AKAP11: variants seen among roughly 807,000 people sequenced by gnomAD.
AKAP11 encodes the protein A-kinase anchor protein 11.
AKAP11 carries 36 observed loss-of-function variants against 146.1 expected under a neutral mutation model. That is an observed-to-expected ratio of 0.25 (90% CI 0.19 to 0.33). The LOEUF is 0.33. Among genes scored for constraint, AKAP11 ranks in the 10% least tolerant of loss-of-function variants. The probability of loss-of-function intolerance (pLI) is 1.00; values close to 1 mark genes in which losing one functional copy is unlikely to be tolerated. For synonymous variants in AKAP11, 780 were observed against 786.5 expected (o/e 0.99, Z 0.14); for missense variants, 2,201 against 2,197.0 (o/e 1.00, Z -0.04).
chr13:42,297,415 G>A (rs1959581674), intron 6 of AKAP11, among the ~76,000 whole-genome samples: 1 of 151,814 alleles, frequency 6.6e-6, no homozygotes, highest in African/African-American at 2.4e-5. Flanking sequence ...TCCGTAGATG[G>A]TATGCAAGTA....
rs761529734 is a variant in AKAP11 at position 42,301,072 on chromosome 13, A to G, written c.2326A>G (p.Ile776Val). The change falls in exon 8 of 13, where the codon ATT becomes GTT. Residue 776 changes from isoleucine (I) to valine (V), a missense_variant. Around this residue, in one of 3 missense-constraint regions of AKAP11, gnomAD observed 1,867 missense variants for 1,833.5 expected, o/e 1.02. Transcript: ENST00000025301. ...VQQALFCTSG[I>V]VTSIPVPLAG... ...GCAGGCCTTGTTTTGTACTTCTGGAATTGTTACTTCTATACCGGTGCCCTT... is the reference window on the plus strand; with the variant it reads ...GCAGGCCTTGTTTTGTACTTCTGGAGTTGTTACTTCTATACCGGTGCCCTT... 2.9e-5 allele frequency: 47 copies of G among 1,614,002 alleles called. No homozygotes were observed. Among genetic ancestry groups the G allele is most frequent in the Non-Finnish European group, 3.7e-5 (44 of 1,179,966 alleles).
chr13:42,282,111 G>A (rs1959075789), intron 1 of AKAP11, among the ~76,000 whole-genome samples: 1 of 151,644 alleles, frequency 6.6e-6, no homozygotes, highest in African/African-American at 2.4e-5. Context: ...CGGGATTACA[G>A]GCATATACCA....
At position 42,277,406 on chromosome 13, in the gene AKAP11, A is replaced by G. The variant is rs528722267; in HGVS notation, c.-100+5178A>G. On this transcript the variant is annotated intron_variant, in intron 1 of 12. Transcript: ENST00000025301. ...TAAAAGTTGTGTTTATTGTTGCTGAATAAGTAGTTTTGAAGTCAGTAGCCA... is the reference window on the plus strand; with the variant it reads ...TAAAAGTTGTGTTTATTGTTGCTGAGTAAGTAGTTTTGAAGTCAGTAGCCA... Among the ~76,000 whole-genome samples, 13 of 152,356 alleles carry G rather than the reference A, an allele frequency of 8.5e-5. No homozygotes were observed. In the East Asian group the frequency reaches 2.1e-3, roughly 25 times the overall value.
At chr13:42,312,431 A>G (rs1199919119) in intron 9 of AKAP11, among the ~76,000 whole-genome samples, 22 of 152,226 alleles carry the variant, frequency 1.4e-4, no homozygotes. Context: ...TATTCTGAAG[A>G]AAATGTTTGT....
At chr13:42,289,919 A>G (rs576696113) in intron 3 of AKAP11, among the ~76,000 whole-genome samples, 3 of 152,196 alleles carry the variant, frequency 2.0e-5, no homozygotes, top group Non-Finnish European at 4.4e-5. Context: ...CACCTCATAT[A>G]GTCTTCACTC....
In AKAP11 at chr13:42,302,031, T is replaced by C. The variant is rs540769010; in HGVS notation, c.3285T>C (p.Asn1095=). ...VEDKQKVRDR[N]VIPDTPPSTP... ...ATAAACAGAAAGTCAGAGACAGAAA[T>C]GTAATACCTGATACTCCTCCATCAA... Residue 1095 remains asparagine (N), a synonymous_variant, in exon 8 of 13, where the codon AAT becomes AAC. Coordinates refer to ENST00000025301, the MANE Select transcript of AKAP11 (RefSeq NM_016248.4). 31 of 1,614,078 alleles carry C rather than the reference T, an allele frequency of 1.9e-5. No individual in the cohort carries two copies. In the East Asian group the frequency reaches 5.6e-4, roughly 29 times the overall value.
Position 42,300,219 on chromosome 13 carries a change from T to C in AKAP11, c.1473T>C (p.Tyr491=), listed in dbSNP as rs1318575089. 1.1e-5 allele frequency: 17 copies of C among 1,613,810 alleles called. No individual in the cohort carries two copies. The highest frequency in any genetic ancestry group is 1.3e-5 in the Non-Finnish European group (15 of 1,179,838). Residue 491 remains tyrosine, a synonymous_variant, in exon 8 of 13, where the codon TAT becomes TAC. Transcript: ENST00000025301. Reference sequence around the variant, plus strand: ...CTGTTTATTACACCTATGAAGACTATGCAAAAAGCATTTCATGTGAAGTAC... The same window carrying C: ...CTGTTTATTACACCTATGAAGACTACGCAAAAAGCATTTCATGTGAAGTAC... ...HDSVYYTYED[Y]AKSISCEVLG... is the part of the protein sequence containing the mutation.
chr13:42,295,393 G>T (rs531855335), intron 4 of AKAP11, among the ~76,000 whole-genome samples: 2 of 152,312 alleles, frequency 1.3e-5, no homozygotes, highest in African/African-American at 4.8e-5. Flanking sequence ...GGTGGGAGAG[G>T]ATTGTACTAG....
chr13:42,299,718 A>G lies in AKAP11; in HGVS notation c.972A>G (p.Gly324=). 1 of 1,613,964 alleles carries G rather than the reference A, an allele frequency of 6.2e-7. No homozygotes were observed. Residue 324 remains glycine (G), a synonymous_variant, in exon 8 of 13, where the codon GGA becomes GGG. Transcript: ENST00000025301. ...PSPVIFLDEE[G]YQKSLKAKLE... ...CTGTTATTTTCTTGGATGAAGAGGG[A>G]TATCAAAAAAGCTTAAAAGCAAAAC...
chr13:42,321,553 G>C lies in AKAP11; in HGVS notation c.*2325G>C, dbSNP rs1961087510. ...AGTTAAAAATATTGAATATTGGCAGGTGTGAAAACAAGTGTCAAAATTCCT... is the reference window on the plus strand; with the variant it reads ...AGTTAAAAATATTGAATATTGGCAGCTGTGAAAACAAGTGTCAAAATTCCT... On this transcript the variant is annotated 3_prime_UTR_variant, in exon 13 of 13. Transcript: ENST00000025301. 1 of 152,256 alleles carries C rather than the reference G, an allele frequency of 6.6e-6. No homozygotes were observed. The highest frequency in any genetic ancestry group is 2.4e-5 in the African/African-American group (1 of 41,450). The allele number at this position is 152,256 out of a possible 1,614,324, so 9.4% of individuals were successfully genotyped here.
At position 42,322,759 on chromosome 13, in the gene AKAP11, C is replaced by T. The variant is rs1469760865; in HGVS notation, c.*3531C>T. ...TGGATACAGAATTAGTCACTCTTGT[C>T]ACTTTATTTATTTATTGGTTTTTTT... On this transcript the variant is annotated 3_prime_UTR_variant, in exon 13 of 13. Coordinates refer to ENST00000025301, the MANE Select transcript of AKAP11 (RefSeq NM_016248.4). 1.3e-5 allele frequency: 2 copies of T among 152,586 alleles called. No homozygotes were observed. Among genetic ancestry groups the T allele is most frequent in the African/African-American group, 4.8e-5 (2 of 41,412 alleles). 9.5% of individuals were successfully genotyped at this position (152,586 alleles called of 1,614,324 possible).
intron 1 of AKAP11, among the ~76,000 whole-genome samples, chr13:42,285,751 T>A (rs1959155229): frequency 6.6e-6 from 1 of 152,192 alleles, no homozygotes; most frequent in African/African-American, 2.4e-5. Context: ...TGAAATTTTG[T>A]CAATGGTATG....
intron 6 of AKAP11, among the ~76,000 whole-genome samples, chr13:42,297,498 T>C (rs1248595944): frequency 6.6e-6 from 1 of 151,988 alleles, no homozygotes; most frequent in Non-Finnish European, 1.5e-5. Flanking sequence ...TAAGCTACAG[T>C]GACTTTTCCC....
At position 42,317,662 on chromosome 13, in the gene AKAP11, G is replaced by T. The variant is rs1383182964; in HGVS notation, c.5539G>T (p.Asp1847Tyr). The change falls in exon 12 of 13, where the codon GAC (aspartate) becomes TAC (tyrosine). Residue 1847 changes from aspartate (D) to tyrosine (Y), a missense_variant. Physicochemically the swap from Asp to Tyr is radical, Grantham distance 160 (BLOSUM62 -3). Transcript: ENST00000025301. The stretch of plus-strand genomic sequence containing the variant: ...TGAAGTTGCAGAACTTTATTTTCAT[G>T]ACTCTGCAAATAAGGAGTTTATGCT... ...EAEVAELYFH[D>Y]SANKEFMLLS... is the part of the protein sequence containing the mutation. The T allele has an allele frequency of 6.2e-7, 1 of 1,613,894 alleles. No homozygotes were observed. Among genetic ancestry groups the T allele is most frequent in the African/African-American group, 1.3e-5 (1 of 74,902 alleles).
chr13:42,303,637 A>G lies in AKAP11; in HGVS notation c.4891A>G (p.Arg1631Gly). 1 of 1,614,190 alleles carries G rather than the reference A, an allele frequency of 6.2e-7. No homozygotes were observed. The highest frequency in any genetic ancestry group is 8.5e-7 in the Non-Finnish European group (1 of 1,180,014). Residue 1631 changes from arginine to glycine, a missense_variant, in exon 8 of 13, where the codon AGG becomes GGG. Around this residue, in one of 3 missense-constraint regions of AKAP11, gnomAD observed 1,867 missense variants for 1,833.5 expected, o/e 1.02. Transcript: ENST00000025301. ...PKFSSRYQKSRIFHLSVPQIH... is the reference protein window; with the variant it reads ...PKFSSRYQKSGIFHLSVPQIH... The stretch of plus-strand genomic sequence containing the variant: ...ATTTAGCAGCCGCTATCAGAAATCT[A>G]GGATTTTTCATCTCAGTGTCCCTCA...
chr13:42,300,815 C>T lies in AKAP11; in HGVS notation c.2069C>T (p.Ala690Val). 6.2e-7 allele frequency: 1 copy of T among 1,614,078 alleles called. No homozygotes were observed. The highest frequency in any genetic ancestry group is 8.5e-7 in the Non-Finnish European group (1 of 1,179,970). ...DFEDKVVKLY[A>V]KDLSESVIQE... ...GAAGACAAAGTAGTGAAGTTGTATG[C>T]AAAAGATTTGTCTGAATCTGTAATA... The change falls in exon 8 of 13, where the codon GCA becomes GTA. Residue 690 changes from alanine (A) to valine (V), a missense_variant. By Grantham distance (64) the Ala-to-Val change is moderately conservative. This residue lies in a region of AKAP11 where 1,867 missense variants were observed against 1,833.5 expected (regional missense o/e 1.02). Transcript: ENST00000025301.
At chr13:42,310,838 G>A (rs1446947975) in intron 9 of AKAP11, among the ~76,000 whole-genome samples, 2 of 146,388 alleles carry the variant, frequency 1.4e-5, no homozygotes, top group African/African-American at 5.1e-5. Flanking sequence ...CATCCTGGGC[G>A]ACAGAGACAG....
At chr13:42,293,956 A>G (rs1417008847) in intron 4 of AKAP11, among the ~76,000 whole-genome samples, 1 of 152,172 alleles carries the variant, frequency 6.6e-6, no homozygotes, top group Non-Finnish European at 1.5e-5. Context: ...TATCCAGTTA[A>G]CCTCAGAACT....
intron 4 of AKAP11, among the ~76,000 whole-genome samples, chr13:42,292,949 A>G (rs1344726276): frequency 2.0e-5 from 3 of 152,192 alleles, no homozygotes; most frequent in Non-Finnish European, 4.4e-5. Flanking sequence ...TTTGAAATTA[A>G]GATACTTACT....
Sources: allele counts gnomAD v4.1 joint callset (sites outside exome capture counted in the v4.1 genomes callset), GRCh38; gene constraint gnomAD v4.1.1; regional missense constraint gnomAD v4.1.1; transcripts MANE v1.5; gene names NCBI Gene and HGNC (gene_info 2026-07-23, HGNC 2026-07-21).